PEX16: variants seen among roughly 807,000 people sequenced by gnomAD.
PEX16 encodes the protein peroxin 16.
Under a neutral mutation model 50.5 loss-of-function variants are expected in PEX16, and 37 were observed. That is an observed-to-expected ratio of 0.73 (90% CI 0.56 to 0.96). The LOEUF (loss-of-function observed/expected upper bound fraction) is 0.96, where lower values mean the gene tolerates loss of function less well. PEX16 is among the 40% of genes least tolerant of loss of function. The probability of loss-of-function intolerance (pLI) is 0.00; values close to 1 mark genes in which losing one functional copy is unlikely to be tolerated. For synonymous variants in PEX16, 185 were observed against 190.3 expected, an observed-to-expected ratio of 0.97 and a Z score of 0.23; for missense variants, 401 against 438.3, an observed-to-expected ratio of 0.91 and a Z score of 0.76.
rs2086853515 is a variant in PEX16 at position 45,917,739 on chromosome 11, G to C, written c.73C>G (p.Leu25Val). 3 of 1,559,886 alleles carry C rather than the reference G, an allele frequency of 1.9e-6. No individual in the cohort carries two copies. The East Asian group carries it at 7.1e-5, about 37-fold the overall frequency. ...CTGAAGCCCCGCACTGCTGTCTCCAGCTGGGCCGTGGCGGCCGGGTGACGA... is the reference window on the plus strand; with the variant it reads ...CTGAAGCCCCGCACTGCTGTCTCCACCTGGGCCGTGGCGGCCGGGTGACGA... Reference protein sequence around the residue: ...VTRHPAATAQLETAVRGFSYL... With the variant: ...VTRHPAATAQVETAVRGFSYL... The change falls in exon 1 of 11, where the codon CTG becomes GTG. Residue 25 changes from leucine (L) to valine (V), a missense_variant. Transcript: ENST00000378750.
chr11:45,913,547 G>A (rs971690903), intron 9 of PEX16, among the ~76,000 whole-genome samples: 1 of 152,242 alleles, frequency 6.6e-6, no homozygotes, highest in Non-Finnish European at 1.5e-5. Flanking sequence ...CCGCCCTGTC[G>A]CCATCCCTGT....
chr11:45,915,470 G>C lies in PEX16; in HGVS notation c.458C>G (p.Pro153Arg). 6.2e-7 allele frequency: 1 copy of C among 1,611,064 alleles called. No homozygotes were observed. Among genetic ancestry groups the C allele is most frequent in the Admixed American group, 1.7e-5 (1 of 60,016 alleles). ...CAGGGCTTGGGGAAGTAGCTCACCC[G>C]GGGGCTGTGCCTGGGTCTCTCTGTC... is the stretch of plus-strand genomic sequence containing the variant. The part of the protein sequence containing the change: ...PLDRETQAQP[P>R]DGDHSPGNHE... Residue 153 changes from proline to arginine, a missense_variant and splice_region_variant, in exon 5 of 11, where the codon CCG (proline) becomes CGG (arginine). Coordinates refer to ENST00000378750, the MANE Select transcript of PEX16 (RefSeq NM_004813.4).
At chr11:45,911,001 T>G (rs2134686928) in intron 9 of PEX16, 39 bp from the exon 10 acceptor site, 19 of 1,184,378 alleles carry the variant, frequency 1.6e-5, no homozygotes, top group Non-Finnish European at 2.3e-5. Context: ...CTGAGTGGGG[T>G]GGGGGTGGGT....
chr11:45,910,240 T>G lies in PEX16; in HGVS notation c.*14A>C. ...TGCCCCACCCCTCCCCACACCCTCC[T>G]TCCGGGAGGTCTGTCAGCCCCAACT... is the stretch of plus-strand genomic sequence containing the variant. On this transcript the variant is annotated 3_prime_UTR_variant, in exon 11 of 11. Transcript: ENST00000378750. 7.1e-6 allele frequency: 11 copies of G among 1,560,060 alleles called. No homozygotes were observed. Among genetic ancestry groups the G allele is most frequent in the Middle Eastern group, 1.7e-4 (1 of 5,742 alleles).
In PEX16 at chr11:45,910,695, G is replaced by A. The variant is rs1533613; in HGVS notation, c.952+203C>T. Among the ~76,000 whole-genome samples, 25,061 of 152,138 alleles carry A rather than the reference G, an allele frequency of 0.16. 2,430 individuals are homozygous for A. Among genetic ancestry groups the A allele is most frequent in the South Asian group, 0.21 (1,028 of 4,824 alleles). On this transcript the variant is annotated intron_variant, in intron 10 of 10. Coordinates refer to ENST00000378750, the MANE Select transcript of PEX16 (RefSeq NM_004813.4). ...GGCAGCTGATGTGGTCCCCCCACCA[G>A]TGGACACCCTCCTTCCAGCCATCCC... is the stretch of plus-strand genomic sequence containing the variant.
intron 2 of PEX16, 97 bp from the exon 3 acceptor site, chr11:45,916,400 G>A (rs768563030): frequency 5.6e-5 from 52 of 936,048 alleles, no homozygotes; most frequent in Non-Finnish European, 8.3e-5. Flanking sequence ...CACATGCTCT[G>A]CTCAGACACC....
chr11:45,910,095 G>A lies in PEX16; in HGVS notation c.*159C>T, dbSNP rs78508822. The stretch of plus-strand genomic sequence containing the variant: ...TCGTCACAGGAGAGCGCAGTCAAGG[G>A]TGTCCTGGGAGGAACGCTGGTGGCG... On this transcript the variant is annotated 3_prime_UTR_variant, in exon 11 of 11. Transcript: ENST00000378750. 971 of 1,611,214 alleles carry A rather than the reference G, an allele frequency of 6.0e-4. 6 individuals carry two copies. The African/African-American group carries it at 9.4e-3, about 16-fold the overall frequency.
Position 45,914,396 on chromosome 11 carries a change from T to A in PEX16, c.614A>T (p.Glu205Val). The A allele has an allele frequency of 1.2e-6, 2 of 1,609,924 alleles. No homozygotes were observed. The highest frequency in any genetic ancestry group is 2.2e-5 in the South Asian group (2 of 91,090). Residue 205 changes from glutamate (E) to valine (V), a missense_variant, in exon 7 of 11, where the codon GAG (glutamate) becomes GTG (valine). Coordinates refer to ENST00000378750, the MANE Select transcript of PEX16 (RefSeq NM_004813.4). ...CAGGGGGGTGGGGGTCGCACTCAGC[T>A]CCTCGTGATGCTGCTGCTGCCGTCC... Reference protein sequence around the residue: ...REGRQQQHHEELSATPTPLGL... With the variant: ...REGRQQQHHEVLSATPTPLGL...
chr11:45,913,681 G>C, intron 9 of PEX16, 138 bp downstream of exon 9: 1 of 976,682 alleles, frequency 1.0e-6, no homozygotes, highest in Non-Finnish European at 1.6e-6. Context: ...CTGGCATCTG[G>C]TGACTGCCAC....
At chr11:45,915,642 C>T (rs2086826172) in intron 4 of PEX16, 61 bp downstream of exon 4, 2 of 1,612,286 alleles carry the variant, frequency 1.2e-6, no homozygotes, top group South Asian at 2.2e-5. Flanking sequence ...CTGCTGAGCA[C>T]CATCTGTGTA....
chr11:45,911,689 C>T (rs368416056), intron 9 of PEX16, among the ~76,000 whole-genome samples: 4 of 152,288 alleles, frequency 2.6e-5, no homozygotes, highest in South Asian at 2.1e-4. Flanking sequence ...ATCTGGAAGG[C>T]GGCCTGACTC....
At position 45,917,724 on chromosome 11, in the gene PEX16, G is replaced by A. The variant is rs577456581; in HGVS notation, c.88C>T (p.Arg30Trp). The change falls in exon 1 of 11, where the codon CGG (arginine) becomes TGG (tryptophan). Residue 30 changes from arginine to tryptophan, a missense_variant. By Grantham distance (101) the Arg-to-Trp change is moderately radical. Transcript: ENST00000378750. Reference sequence around the variant, plus strand: ...CCTGCCAGCAGGTAACTGAAGCCCCGCACTGCTGTCTCCAGCTGGGCCGTG... The same window carrying A: ...CCTGCCAGCAGGTAACTGAAGCCCCACACTGCTGTCTCCAGCTGGGCCGTG... The part of the protein sequence containing the change: ...AATAQLETAV[R>W]GFSYLLAGRF... 6 of 1,560,672 alleles carry A rather than the reference G, an allele frequency of 3.8e-6. No individual in the cohort carries two copies. In the African/African-American group the frequency reaches 6.8e-5, roughly 18 times the overall value.
At chr11:45,917,050 C>CA in intron 2 of PEX16, 1 of 504,402 alleles carries the variant, frequency 2.0e-6, no homozygotes, top group Non-Finnish European at 3.9e-6. Context: ...GAGGTAGTTA[C>CA]AATCTGGGAA....
At chr11:45,918,189 C>T, upstream of PEX16, 2 of 359,368 alleles carry the variant, frequency 5.6e-6, no homozygotes, top group South Asian at 4.9e-5. Flanking sequence ...CAGAGCAGTT[C>T]ATTCTAGAGA....
intron 8 of PEX16, 76 bp from the exon 9 acceptor site, chr11:45,914,014 G>T: frequency 6.3e-7 from 1 of 1,598,796 alleles, no homozygotes; most frequent in East Asian, 2.2e-5. Flanking sequence ...CATGGGCTGG[G>T]TGTCCAGAGG....
At chr11:45,910,870 C>G (rs1349263136) in intron 10 of PEX16, 28 bp downstream of exon 10, 1 of 1,604,400 alleles carries the variant, frequency 6.2e-7, no homozygotes, top group African/African-American at 1.3e-5. Flanking sequence ...TCCAGCACTA[C>G]AGTCATCGCG....
rs768272900 is a variant in PEX16, at chr11:45,910,156, G to A, written c.*98C>T. The A allele has an allele frequency of 1.9e-5, 30 of 1,611,926 alleles. No individual in the cohort carries two copies. The East Asian group carries it at 2.5e-4, about 13-fold the overall frequency. ...TGTGTGGGGCCTGGCCGGTAGGCAC[G>A]GAGAGGCCGCACGCTGGGACGCTGC... On this transcript the variant is annotated 3_prime_UTR_variant, in exon 11 of 11. Transcript: ENST00000378750.
At chr11:45,916,025 C>T (rs2086830973) in intron 3 of PEX16, among the ~76,000 whole-genome samples, 189 bp from the exon 4 acceptor site, 1 of 152,040 alleles carries the variant, frequency 6.6e-6, no homozygotes, top group Admixed American at 6.6e-5. Context: ...GCTGACTCTA[C>T]CTCTCTTCAC....
intron 5 of PEX16, 27 bp downstream of exon 5, chr11:45,915,441 G>A (rs780945866): frequency 2.5e-6 from 4 of 1,571,724 alleles, no homozygotes; most frequent in East Asian, 4.5e-5. Flanking sequence ...GGCCCATTCC[G>A]CTCCAGGGCT....
Sources: gnomAD v4.1 joint callset for allele counts (sites outside exome capture counted in the v4.1 genomes callset) on GRCh38, gnomAD v4.1.1 for gene constraint, MANE v1.5 for transcripts, NCBI Gene and HGNC (gene_info 2026-07-23, HGNC 2026-07-21) for gene names.